The following VEGFD variants were observed in gnomAD, a reference collection of about 807,000 sequenced individuals.
The protein encoded by VEGFD is vascular endothelial growth factor D.
In VEGFD, 26 loss-of-function variants were observed where a neutral mutation model predicts 28.0. That is an observed-to-expected ratio of 0.93 (90% CI 0.68 to 1.29). The LOEUF (loss-of-function observed/expected upper bound fraction) is 1.29, where lower values mean the gene tolerates loss of function less well. Ranked by LOEUF, VEGFD falls within the 50% of genes most tolerant of loss-of-function variation. The pLI, the probability that VEGFD is intolerant of heterozygous loss-of-function variation, is 0.00. For missense variants in VEGFD, 294 were observed against 273.4 expected (o/e 1.08, Z -0.53); for synonymous variants, 93 against 95.5 (o/e 0.97, Z 0.15).
chrX:15,355,059 ACT>A, intron 4 of VEGFD, 89 bp downstream of exon 4: 2 of 782,632 alleles, frequency 2.6e-6, no homozygotes, highest in Admixed American at 3.7e-5. Flanking sequence ...TAAATTGATA[ACT>A]CTACATTAAT....
intron 1 of VEGFD, among the ~76,000 whole-genome samples, chrX:15,365,004 CTA>C (rs1056565856): frequency 2.7e-5 from 3 of 112,199 alleles, no homozygotes; most frequent in African/African-American, 9.7e-5. Flanking sequence ...TGTGATTCAG[CTA>C]TGATATAACC....
chrX:15,350,746 C>A (rs1237405763), intron 5 of VEGFD, among the ~76,000 whole-genome samples: 1 of 108,610 alleles, frequency 9.2e-6, no homozygotes, highest in African/African-American at 3.4e-5. Context: ...TCCTTCCTTC[C>A]TTCCTTTCTT....
At chrX:15,350,361 G>T (rs1362502393) in intron 5 of VEGFD, among the ~76,000 whole-genome samples, 4 of 112,082 alleles carry the variant, frequency 3.6e-5, no homozygotes, top group Admixed American at 2.8e-4. Flanking sequence ...CTCTACACAC[G>T]TGTACTGGCT....
At chrX:15,383,754 G>A in intron 1 of VEGFD, 103 bp downstream of exon 1, 1 of 593,393 alleles carries the variant, frequency 1.7e-6, no homozygotes, top group Non-Finnish European at 2.9e-6. Flanking sequence ...TACTAGGATG[G>A]TTCTGCATTT....
intron 2 of VEGFD, among the ~76,000 whole-genome samples, chrX:15,358,669 A>G (rs1202657005): frequency 8.9e-6 from 1 of 112,080 alleles, no homozygotes; most frequent in Middle Eastern, 4.2e-3. Flanking sequence ...GTAGGATTTA[A>G]ACTTGGCAAA....
intron 5 of VEGFD, among the ~76,000 whole-genome samples, chrX:15,349,040 A>G (rs762412327): frequency 8.9e-6 from 1 of 112,525 alleles, no homozygotes; most frequent in South Asian, 3.6e-4. Context: ...TCTGTAATGC[A>G]CGACGTTTGA....
chrX:15,359,129 T>A (rs1385126887), intron 2 of VEGFD, among the ~76,000 whole-genome samples: 1 of 110,689 alleles, frequency 9.0e-6, no homozygotes. Flanking sequence ...GTGGTCCCCA[T>A]CTCCTGATAG....
rs746427789 is a variant in VEGFD at position 15,358,115 on chromosome X, C to G, written c.380G>C (p.Ser127Thr). The G allele has an allele frequency of 4.1e-6, 5 of 1,211,515 alleles. No homozygotes were observed. In the Admixed American group the frequency reaches 1.1e-4, roughly 26 times the overall value. Residue 127 changes from serine to threonine, a missense_variant, in exon 3 of 7, where the codon AGT (serine) becomes ACT (threonine). Physicochemically the swap from Ser to Thr is moderately conservative, Grantham distance 58 (BLOSUM62 1). Transcript: ENST00000297904. ...AGGGGGCTTGAAGAATGTGTTGGTACTCTTCCCCAGCTCACTGGCCACCTC... is the reference window on the plus strand; with the variant it reads ...AGGGGGCTTGAAGAATGTGTTGGTAGTCTTCCCCAGCTCACTGGCCACCTC... ...CVEVASELGK[S>T]TNTFFKPPCV... is the part of the protein sequence containing the mutation.
In VEGFD at chrX:15,383,963, T is replaced by C. The variant is rs771063032; in HGVS notation, c.-17A>G. On this transcript the variant is annotated 5_prime_UTR_variant, in exon 1 of 7. Coordinates refer to ENST00000297904, the MANE Select transcript of VEGFD (RefSeq NM_004469.5). ...TCTGTACATTTTGAATATTTCAATA[T>C]CCACTGATTACTAAGCAGTTGACAT... 6 of 1,113,812 alleles carry C rather than the reference T, an allele frequency of 5.4e-6. No homozygotes were observed. In the Admixed American group the frequency reaches 1.1e-4, roughly 20 times the overall value. The allele number at this position is 1,113,812 out of a possible 1,213,427, so 91.8% of individuals were successfully genotyped here.
At chrX:15,381,035 A>G (rs12011360) in intron 1 of VEGFD, among the ~76,000 whole-genome samples, 1 of 112,490 alleles carries the variant, frequency 8.9e-6, no homozygotes, top group Non-Finnish European at 1.9e-5. Context: ...TTCTTCTTAG[A>G]CTGAGAAACT....
chrX:15,359,403 T>A (rs926898268), intron 2 of VEGFD, among the ~76,000 whole-genome samples: 3 of 99,910 alleles, frequency 3.0e-5, no homozygotes, highest in African/African-American at 1.1e-4. Flanking sequence ...TTACTTTAAG[T>A]TCTGGGATAC....
intron 2 of VEGFD, 98 bp downstream of exon 2, chrX:15,363,011 T>G: frequency 2.7e-6 from 2 of 744,960 alleles, no homozygotes; most frequent in Non-Finnish European, 4.0e-6. Context: ...ATTCTCCCTC[T>G]GACACGTGTC....
At chrX:15,352,969 T>G in intron 5 of VEGFD, 99 bp downstream of exon 5, 2 of 358,969 alleles carry the variant, frequency 5.6e-6, no homozygotes, top group Admixed American at 4.4e-5. Flanking sequence ...TATACAAGAT[T>G]TACAACATTG....
chrX:15,353,506 G>A (rs1415662673), intron 4 of VEGFD, among the ~76,000 whole-genome samples: 1 of 112,311 alleles, frequency 8.9e-6, no homozygotes, highest in Non-Finnish European at 1.9e-5. Context: ...TTGGGAGTCC[G>A]AGGCGGGCAG....
chrX:15,383,742 A>G (rs1923645208), intron 1 of VEGFD, 115 bp downstream of exon 1: 1 of 533,276 alleles, frequency 1.9e-6, no homozygotes, highest in Admixed American at 2.7e-5. Context: ...TGTCCAGTCC[A>G]CTACTAGGAT....
At chrX:15,372,986 C>A (rs1171132753) in intron 1 of VEGFD, among the ~76,000 whole-genome samples, 1 of 111,412 alleles carries the variant, frequency 9.0e-6, no homozygotes, top group Non-Finnish European at 1.9e-5. Context: ...AAGTTGGCTG[C>A]CTTATATGAT....
intron 5 of VEGFD, 34 bp downstream of exon 5, chrX:15,353,034 A>G (rs1290827355): frequency 2.3e-6 from 2 of 864,042 alleles, no homozygotes; most frequent in Non-Finnish European, 3.3e-6. Flanking sequence ...TACTTTTATT[A>G]TTACTGTTAT....
intron 1 of VEGFD, among the ~76,000 whole-genome samples, chrX:15,382,471 G>T (rs1368664822): frequency 1.8e-5 from 2 of 111,794 alleles, no homozygotes; most frequent in Non-Finnish European, 1.9e-5. Context: ...ATCAGATAAA[G>T]TGATGTTTTA....
intron 1 of VEGFD, among the ~76,000 whole-genome samples, chrX:15,374,981 TCCTCTTTCCTTTCTTTCCTG>T (rs906608564): frequency 3.6e-5 from 4 of 111,081 alleles, no homozygotes; most frequent in Non-Finnish European, 5.7e-5. Flanking sequence ...TTTCTTTCCT[TCCTCTTTCCTTTCTTTCCTG>T]CCTCTTTCCT....
Sources: gnomAD v4.1 joint callset for allele counts (sites outside exome capture counted in the v4.1 genomes callset) on GRCh38, gnomAD v4.1.1 for gene constraint, MANE v1.5 for transcripts, NCBI Gene and HGNC (gene_info 2026-07-23, HGNC 2026-07-21) for gene names.